Variants in LHFPL3 observed in about 807,000 individuals in gnomAD.
LHFPL3 encodes LHFPL tetraspan subfamily member 3.
A neutral mutation model predicts 19.3 loss-of-function variants in LHFPL3; 5 were observed. The ratio of observed to expected loss-of-function variants is 0.26; its 90% CI spans 0.14 to 0.54. The LOEUF is 0.54. Among genes scored for constraint, LHFPL3 ranks in the 20% least tolerant of loss-of-function variants. The pLI, the probability that LHFPL3 is intolerant of heterozygous loss-of-function variation, is 0.94. For missense variants in LHFPL3, 249 were observed against 307.4 expected (o/e 0.81, Z 1.42); for synonymous variants, 133 against 126.2 (o/e 1.05, Z -0.36).
At chr7:104,374,398 C>T (rs957636278) in intron 1 of LHFPL3, among the ~76,000 whole-genome samples, 16 of 152,012 alleles carry the variant, frequency 1.1e-4, no homozygotes, top group African/African-American at 1.9e-4. Flanking sequence ...TGCACCACCA[C>T]GCCCAACTAA....
chr7:104,584,615 T>G (rs539804472), intron 1 of LHFPL3, among the ~76,000 whole-genome samples: 1 of 152,258 alleles, frequency 6.6e-6, no homozygotes, highest in African/African-American at 2.4e-5. Context: ...AGACTTCAGT[T>G]GTTATATATC....
intron 1 of LHFPL3, among the ~76,000 whole-genome samples, chr7:104,452,312 C>T (rs949945979): frequency 6.6e-6 from 1 of 152,152 alleles, no homozygotes; most frequent in Non-Finnish European, 1.5e-5. Context: ...TTTTATTTAA[C>T]CAGTGCTTTA....
At chr7:104,420,554 ATT>A (rs71153195) in intron 1 of LHFPL3, among the ~76,000 whole-genome samples, 15,707 of 112,904 alleles carry the variant, frequency 0.14, 1,014 homozygotes, top group East Asian at 0.31. Flanking sequence ...CAAAGGGTGA[ATT>A]TTTTTTTTTT....
At chr7:104,865,845 A>C (rs904461235) in intron 2 of LHFPL3, among the ~76,000 whole-genome samples, 1 of 152,236 alleles carries the variant, frequency 6.6e-6, no homozygotes, top group Non-Finnish European at 1.5e-5. Context: ...GTTACCCACA[A>C]AGGGAAGCCC....
At chr7:104,731,383 T>C (rs936685406) in intron 1 of LHFPL3, among the ~76,000 whole-genome samples, 2 of 152,164 alleles carry the variant, frequency 1.3e-5, no homozygotes, top group African/African-American at 4.8e-5. Flanking sequence ...TTTGTTTGTG[T>C]CCTCTTTAAT....
chr7:104,709,722 G>A (rs1304591723), intron 1 of LHFPL3, among the ~76,000 whole-genome samples: 1 of 152,130 alleles, frequency 6.6e-6, no homozygotes, highest in Admixed American at 6.6e-5. Flanking sequence ...CATCATCATG[G>A]CCCGTTCTCA....
At chr7:104,385,011 G>A (rs1256607036) in intron 1 of LHFPL3, among the ~76,000 whole-genome samples, 1 of 151,920 alleles carries the variant, frequency 6.6e-6, no homozygotes, top group Non-Finnish European at 1.5e-5. Context: ...TCCCCAATCC[G>A]AAGAAATTGG....
chr7:104,780,097 C>T (rs2116420846), intron 2 of LHFPL3, among the ~76,000 whole-genome samples: 1 of 152,326 alleles, frequency 6.6e-6, no homozygotes, highest in African/African-American at 2.4e-5. Flanking sequence ...GTGGCCCCTC[C>T]TCTTGTGCAG....
At chr7:104,741,017 G>A (rs1410658399) in intron 2 of LHFPL3, among the ~76,000 whole-genome samples, 1 of 152,172 alleles carries the variant, frequency 6.6e-6, no homozygotes, top group Non-Finnish European at 1.5e-5. Flanking sequence ...TACTCACAGA[G>A]TCTTTAGATG....
intron 1 of LHFPL3, among the ~76,000 whole-genome samples, chr7:104,563,971 C>A (rs1790070245): frequency 6.6e-6 from 1 of 152,068 alleles, no homozygotes; most frequent in Non-Finnish European, 1.5e-5. Flanking sequence ...TAGAAAATAC[C>A]TAATAACAAT....
intron 1 of LHFPL3, among the ~76,000 whole-genome samples, chr7:104,462,315 G>A (rs1025385374): frequency 6.6e-6 from 1 of 152,008 alleles, no homozygotes; most frequent in African/African-American, 2.4e-5. Context: ...TCCTTGTCTT[G>A]TGCCCAGTGC....
chr7:104,569,066 A>C (rs542295787), intron 1 of LHFPL3, among the ~76,000 whole-genome samples: 1 of 152,276 alleles, frequency 6.6e-6, no homozygotes, highest in East Asian at 1.9e-4. Context: ...TGCTTATTAC[A>C]TTTTTTTCAA....
chr7:104,550,295 C>T (rs925102816), intron 1 of LHFPL3, among the ~76,000 whole-genome samples: 3 of 152,108 alleles, frequency 2.0e-5, no homozygotes, highest in African/African-American at 7.2e-5. Flanking sequence ...ACCTGGGCAC[C>T]ATGGCCCAAC....
At chr7:104,437,497 G>T (rs935390918) in intron 1 of LHFPL3, among the ~76,000 whole-genome samples, 2 of 152,088 alleles carry the variant, frequency 1.3e-5, no homozygotes, top group Non-Finnish European at 2.9e-5. Context: ...ACAGGTTAAG[G>T]TTTCCGTCCC....
At chr7:104,634,676 T>G (rs557821520) in intron 1 of LHFPL3, among the ~76,000 whole-genome samples, 1 of 152,308 alleles carries the variant, frequency 6.6e-6, no homozygotes, top group African/African-American at 2.4e-5. Flanking sequence ...AGCTGAAGAC[T>G]GTGGGATCCT....
intron 2 of LHFPL3, among the ~76,000 whole-genome samples, chr7:104,904,586 G>A (rs1792561401): frequency 1.3e-5 from 2 of 152,182 alleles, no homozygotes; most frequent in South Asian, 4.1e-4. Context: ...GGGAGGCAGA[G>A]GTTGCAGTGA....
At chr7:104,518,857 AAAAC>A (rs1312328725) in intron 1 of LHFPL3, among the ~76,000 whole-genome samples, 4 of 151,002 alleles carry the variant, frequency 2.6e-5, no homozygotes, top group South Asian at 2.1e-4. Flanking sequence ...AATAAATAAA[AAAAC>A]TGTGATGCAA....
At chr7:104,798,754 T>C (rs972619670) in intron 2 of LHFPL3, among the ~76,000 whole-genome samples, 3 of 152,172 alleles carry the variant, frequency 2.0e-5, no homozygotes, top group Non-Finnish European at 4.4e-5. Context: ...AAGCTTCACA[T>C]TTTTTTAGTA....
At chr7:104,779,524 C>G (rs531082138) in intron 2 of LHFPL3, among the ~76,000 whole-genome samples, 59 of 152,184 alleles carry the variant, frequency 3.9e-4, no homozygotes, top group Admixed American at 1.0e-3. Flanking sequence ...CTGGAGTGGT[C>G]AAGTCTGTGG....
Sources: allele counts gnomAD v4.1 joint callset (sites outside exome capture counted in the v4.1 genomes callset), GRCh38; gene constraint gnomAD v4.1.1; transcripts MANE v1.5; gene names NCBI Gene and HGNC (gene_info 2026-07-23, HGNC 2026-07-21).